The following ADGRB3 variants were observed in gnomAD, a reference collection of about 807,000 sequenced individuals.
ADGRB3 encodes brain-specific angiogenesis inhibitor 3.
ADGRB3 carries 37 observed loss-of-function variants against 193.4 expected under a neutral mutation model. The observed-to-expected ratio is 0.19, with a 90% CI of 0.15 to 0.25. ADGRB3 has a LOEUF of 0.25. Ranked by LOEUF, ADGRB3 falls within the 10% of genes least tolerant of loss-of-function variation. ADGRB3 has a pLI of 1.00. For synonymous variants in ADGRB3, 690 were observed against 644.2 expected, an observed-to-expected ratio of 1.07 and a Z score of -1.08; for missense variants, 1,637 against 1,852.9, an observed-to-expected ratio of 0.88 and a Z score of 2.14.
At chr6:68,795,767 T>C (rs958846211) in intron 3 of ADGRB3, among the ~76,000 whole-genome samples, 2 of 152,140 alleles carry the variant, frequency 1.3e-5, no homozygotes, top group Non-Finnish European at 2.9e-5. Flanking sequence ...CAAAGCATCC[T>C]GAGGAGGAAG....
intron 16 of ADGRB3, among the ~76,000 whole-genome samples, chr6:69,067,913 G>T (rs1001402259): frequency 2.6e-5 from 4 of 152,058 alleles, no homozygotes; most frequent in African/African-American, 9.7e-5. Context: ...TAGTATGATT[G>T]TGCTATTGTT....
At chr6:68,686,746 A>G (rs760135667) in intron 3 of ADGRB3, among the ~76,000 whole-genome samples, 10 of 152,262 alleles carry the variant, frequency 6.6e-5, no homozygotes, top group Admixed American at 1.3e-4. Flanking sequence ...TCACAAATCA[A>G]TGTGGTTGGT....
chr6:69,020,501 T>C (rs1487880723), intron 13 of ADGRB3, among the ~76,000 whole-genome samples: 1 of 152,068 alleles, frequency 6.6e-6, no homozygotes, highest in Admixed American at 6.6e-5. Context: ...GATTATGTTA[T>C]CTAGGTTTAC....
intron 11 of ADGRB3, among the ~76,000 whole-genome samples, chr6:68,999,608 C>G (rs1005596693): frequency 6.6e-6 from 1 of 152,176 alleles, no homozygotes; most frequent in African/African-American, 2.4e-5. Context: ...TAAGATCCAG[C>G]TTAAAGATAT....
At chr6:68,888,164 A>C (rs1321833144) in intron 3 of ADGRB3, among the ~76,000 whole-genome samples, 1 of 152,158 alleles carries the variant, frequency 6.6e-6, no homozygotes. Flanking sequence ...GAGCTCATGG[A>C]ACAATCAAGT....
chr6:68,974,617 A>G (rs1244120374), intron 8 of ADGRB3, 146 bp from the exon 9 acceptor site: 2 of 589,858 alleles, frequency 3.4e-6, no homozygotes, highest in African/African-American at 3.8e-5. Flanking sequence ...CCTGGGCAAC[A>G]GAGTGAGACC....
At chr6:69,262,166 A>G (rs1483279794) in intron 20 of ADGRB3, among the ~76,000 whole-genome samples, 3 of 152,056 alleles carry the variant, frequency 2.0e-5, no homozygotes, top group Non-Finnish European at 4.4e-5. Flanking sequence ...GGTTTGTGCT[A>G]TAGAAAGCAG....
intron 3 of ADGRB3, among the ~76,000 whole-genome samples, chr6:68,729,082 T>G (rs1259059619): frequency 6.6e-6 from 1 of 151,586 alleles, no homozygotes; most frequent in African/African-American, 2.4e-5. Flanking sequence ...GGTAAGCAAA[T>G]TGATAACATT....
chr6:68,658,440 TC>T (rs897296976), intron 3 of ADGRB3, among the ~76,000 whole-genome samples: 23 of 151,212 alleles, frequency 1.5e-4, no homozygotes, highest in African/African-American at 5.6e-4. Context: ...TAATGTTTCT[TC>T]CACCTAGTGT....
At chr6:69,057,813 A>G (rs1013819073) in intron 15 of ADGRB3, among the ~76,000 whole-genome samples, 2 of 151,982 alleles carry the variant, frequency 1.3e-5, no homozygotes, top group Non-Finnish European at 2.9e-5. Context: ...ACTTTTTAAC[A>G]TGCTGCTGAA....
intron 3 of ADGRB3, among the ~76,000 whole-genome samples, chr6:68,805,537 T>C (rs1767386331): frequency 6.6e-6 from 1 of 152,188 alleles, no homozygotes. Flanking sequence ...CTCCTATCTC[T>C]CAAAGGAAAT....
At chr6:69,172,311 G>A (rs572321860) in intron 17 of ADGRB3, among the ~76,000 whole-genome samples, 28 of 152,120 alleles carry the variant, frequency 1.8e-4, no homozygotes, top group African/African-American at 5.5e-4. Flanking sequence ...CCCTGCTATC[G>A]GGAGACATCT....
intron 3 of ADGRB3, among the ~76,000 whole-genome samples, chr6:68,787,968 G>T (rs1303045424): frequency 1.3e-5 from 2 of 152,068 alleles, no homozygotes; most frequent in African/African-American, 4.8e-5. Context: ...TTCTCTGATG[G>T]TAGTTTGTAT....
chr6:69,111,004 G>T (rs1773352068), intron 17 of ADGRB3, among the ~76,000 whole-genome samples: 1 of 152,128 alleles, frequency 6.6e-6, no homozygotes, highest in Non-Finnish European at 1.5e-5. Flanking sequence ...GGTTTCTGAT[G>T]ATTTCGTTTT....
chr6:68,700,400 A>G (rs951181504), intron 3 of ADGRB3, among the ~76,000 whole-genome samples: 1 of 152,158 alleles, frequency 6.6e-6, no homozygotes, highest in African/African-American at 2.4e-5. Flanking sequence ...GGAGGTTAAA[A>G]AGGAAATCTA....
intron 20 of ADGRB3, among the ~76,000 whole-genome samples, chr6:69,323,937 C>A (rs773028340): frequency 7.9e-5 from 12 of 152,010 alleles, no homozygotes; most frequent in Non-Finnish European, 1.8e-4. Flanking sequence ...TAAAATTCTA[C>A]TGTCTTTGTT....
At chr6:69,196,137 C>G (rs565438638) in intron 17 of ADGRB3, among the ~76,000 whole-genome samples, 1 of 152,096 alleles carries the variant, frequency 6.6e-6, no homozygotes, top group Admixed American at 6.6e-5. Context: ...TAAATTAAAC[C>G]TTCATATTAT....
intron 3 of ADGRB3, among the ~76,000 whole-genome samples, chr6:68,727,064 T>G (rs1417945979): frequency 1.3e-5 from 2 of 151,620 alleles, no homozygotes; most frequent in African/African-American, 4.8e-5. Flanking sequence ...TCTTGTCCAA[T>G]ATCCGTGTGG....
At chr6:69,106,164 T>TAAAAAAAAAA (rs61114782) in intron 17 of ADGRB3, among the ~76,000 whole-genome samples, 1,741 of 90,604 alleles carry the variant, frequency 0.019, 61 homozygotes, top group African/African-American at 0.062. Flanking sequence ...GAGACTGCGT[T>TAAAAAAAAAA]AAAAAAAAAA....
Sources: gnomAD v4.1 joint callset for allele counts (sites outside exome capture counted in the v4.1 genomes callset) on GRCh38, gnomAD v4.1.1 for gene constraint, MANE v1.5 for transcripts, NCBI Gene and HGNC (gene_info 2026-07-23, HGNC 2026-07-21) for gene names.